Variants in SLC39A10 observed in about 807,000 individuals in gnomAD.
SLC39A10 encodes solute carrier family 39 member 10, also known as zinc transporter ZIP10.
SLC39A10 carries 13 observed loss-of-function variants against 65.1 expected under a neutral mutation model. The observed-to-expected ratio is 0.20, with a 90% CI of 0.13 to 0.32. The LOEUF is 0.32. SLC39A10 is among the 10% of genes least tolerant of loss of function. SLC39A10 has a pLI of 1.00. For missense variants in SLC39A10, 831 were observed against 1,018.4 expected, an observed-to-expected ratio of 0.82 and a Z score of 2.50; for synonymous variants, 321 against 342.2, an observed-to-expected ratio of 0.94 and a Z score of 0.68.
intron 2 of SLC39A10, among the ~76,000 whole-genome samples, chr2:195,618,007 G>A (rs1421690561): frequency 4.6e-5 from 7 of 151,078 alleles, no homozygotes; most frequent in Non-Finnish European, 1.0e-4. Flanking sequence ...CCAAAGTGCT[G>A]GGATTACAGG....
In SLC39A10 at chr2:195,680,146, C is replaced by A. The variant is rs754559742; in HGVS notation, c.104C>A (p.Ala35Glu). The change falls in exon 2 of 10, where the codon GCG (alanine) becomes GAG (glutamate). Residue 35 changes from alanine (A) to glutamate (E), a missense_variant. Coordinates refer to ENST00000359634, the MANE Select transcript of SLC39A10 (RefSeq NM_020342.3). Reference protein sequence around the residue: ...CHEEHDHGPEALHRQHRGMTE... With the variant: ...CHEEHDHGPEELHRQHRGMTE... ...GAAGAACATGACCATGGCCCTGAAG[C>A]GCTTCACAGACAGCATCGTGGAATG... 1.2e-6 allele frequency: 2 copies of A among 1,613,948 alleles called. No homozygotes were observed. Among genetic ancestry groups the A allele is most frequent in the South Asian group, 2.2e-5 (2 of 91,036 alleles).
In SLC39A10 at chr2:195,680,778, G is replaced by A; in HGVS notation, c.736G>A (p.Val246Ile). 1 of 1,614,042 alleles carries A rather than the reference G, an allele frequency of 6.2e-7. No homozygotes were observed. The highest frequency in any genetic ancestry group is 8.5e-7 in the Non-Finnish European group (1 of 1,179,996). ...KGRKSNENSE[V>I]ITPGFPPNHD... The stretch of plus-strand genomic sequence containing the variant: ...GAGGAAAAGTAATGAAAATTCTGAG[G>A]TTATTACACCAGGTTTTCCCCCTAA... Residue 246 changes from valine to isoleucine, a missense_variant, in exon 2 of 10, where the codon GTT (valine) becomes ATT (isoleucine). Val to Ile is a conservative substitution (Grantham distance 29). Transcript: ENST00000359634.
chr2:195,721,438 A>T (rs970002659), intron 8 of SLC39A10, among the ~76,000 whole-genome samples: 2 of 151,644 alleles, frequency 1.3e-5, no homozygotes, highest in Non-Finnish European at 2.9e-5. Context: ...CTAGTTTATC[A>T]TGTTAAGAAT....
At chr2:195,694,883 C>T (rs549997545) in intron 3 of SLC39A10, among the ~76,000 whole-genome samples, 7 of 152,120 alleles carry the variant, frequency 4.6e-5, no homozygotes, top group Admixed American at 6.5e-5. Context: ...TGTCCTTCCT[C>T]GGTCATGAAG....
In SLC39A10 at chr2:195,736,490, AATAT is replaced by A. The variant is rs147511979; in HGVS notation, c.*1453_*1456del. ...CTGTAACAATCTATCTTATTGTTCA[AATAT>A]ATAAGAGCCAAACTCTTTTCCATTC... On this transcript the variant is annotated 3_prime_UTR_variant, in exon 10 of 10. Transcript: ENST00000359634. The A allele has an allele frequency of 0.018, 2,887 of 161,952 alleles. 202 individuals are homozygous for A. The East Asian group carries it at 0.24, about 13-fold the overall frequency. 10.0% of individuals were successfully genotyped at this position (161,952 alleles called of 1,614,324 possible).
At chr2:195,654,166 G>A (rs1456624304), upstream of SLC39A10, among the ~76,000 whole-genome samples, 4 of 151,836 alleles carry the variant, frequency 2.6e-5, no homozygotes, top group East Asian at 7.7e-4. Flanking sequence ...CTCAAACTCC[G>A]GACCTCAGGT....
At chr2:195,654,872 A>G (rs181029438), upstream of SLC39A10, among the ~76,000 whole-genome samples, 4 of 137,916 alleles carry the variant, frequency 2.9e-5, no homozygotes, top group Admixed American at 1.5e-4. Flanking sequence ...TTTTCTCAGT[A>G]GGAAAAGTAA....
chr2:195,636,318 A>G (rs1346113962), intron 2 of SLC39A10, among the ~76,000 whole-genome samples: 3 of 152,210 alleles, frequency 2.0e-5, no homozygotes, highest in African/African-American at 7.2e-5. Context: ...TTTCTGTAAA[A>G]TATTGTTATA....
At chr2:195,733,377 G>C (rs1337925920) in intron 9 of SLC39A10, among the ~76,000 whole-genome samples, 3 of 152,198 alleles carry the variant, frequency 2.0e-5, no homozygotes, top group Non-Finnish European at 4.4e-5. Context: ...TGGGTGGAAA[G>C]AATGTATGCC....
intron 2 of SLC39A10, among the ~76,000 whole-genome samples, chr2:195,636,256 A>G (rs1688694674): frequency 6.6e-6 from 1 of 152,244 alleles, no homozygotes; most frequent in South Asian, 2.1e-4. Context: ...CATGTCTTCT[A>G]TTAGGCCAGG....
Position 195,713,468 on chromosome 2 carries a change from A to G in SLC39A10, c.1611A>G (p.Glu537=), listed in dbSNP as rs747494725. 5.7e-6 allele frequency: 9 copies of G among 1,578,628 alleles called. No homozygotes were observed. Among genetic ancestry groups the G allele is most frequent in the Non-Finnish European group, 6.0e-6 (7 of 1,170,278 alleles). Residue 537 remains glutamate, a synonymous_variant, in exon 6 of 10, where the codon GAA becomes GAG. Transcript: ENST00000359634. ...KQKWFMKQNT[E]ESTIGRKLSD... ...AATGGTTTATGAAACAGAACACAGA[A>G]GAATCAACTATTGGAAGAAAGCTTT...
intron 2 of SLC39A10, among the ~76,000 whole-genome samples, chr2:195,615,913 T>C (rs973378273): frequency 6.6e-6 from 1 of 152,242 alleles, no homozygotes; most frequent in Non-Finnish European, 1.5e-5. Flanking sequence ...TGTGTATTTA[T>C]CTTAACCTCC....
At chr2:195,645,334 GC>G (rs1688892969) in intron 2 of SLC39A10, among the ~76,000 whole-genome samples, 1 of 152,064 alleles carries the variant, frequency 6.6e-6, no homozygotes, top group African/African-American at 2.4e-5. Flanking sequence ...CAAAGCTACT[GC>G]TTGTACTTGA....
rs67959883 is a variant in SLC39A10, at chr2:195,623,901, CCACACACACACACACACACACA to C, written c.-12+17686_-12+17707del. ...ACAATACAACCAACTAAACAAAAAA[CCACACACACACACACACACACA>C]CACACACACACACACACCGTCTTAG... On this transcript the variant is annotated intron_variant, in intron 2 of 2. Transcript: ENST00000458054. 4.2e-5 allele frequency among the ~76,000 whole-genome samples: 6 copies of C among 142,846 alleles called. No individual in the cohort carries two copies. In the South Asian group the frequency reaches 1.4e-3, roughly 33 times the overall value. 93.7% of individuals were successfully genotyped at this position (142,846 alleles called of 152,430 possible).
At chr2:195,649,233 T>A (rs1688984713) in intron 2 of SLC39A10, among the ~76,000 whole-genome samples, 1 of 152,252 alleles carries the variant, frequency 6.6e-6, no homozygotes, top group Admixed American at 6.5e-5. Flanking sequence ...AAGTGGCTTA[T>A]TGTATGAAAT....
At chr2:195,671,822 C>T (rs562239709) in intron 1 of SLC39A10, 2 of 152,342 alleles carry the variant, frequency 1.3e-5, no homozygotes, top group South Asian at 2.1e-4. Context: ...TTCTACTTCC[C>T]TTGATACTGA....
chr2:195,664,377 TAAG>T (rs1689549838), intron 1 of SLC39A10, among the ~76,000 whole-genome samples: 2 of 151,468 alleles, frequency 1.3e-5, no homozygotes, highest in South Asian at 2.1e-4. Context: ...TAAAAAAAAA[TAAG>T]AAAATATACA....
At chr2:195,734,508 G>A (rs528936617) in intron 9 of SLC39A10, among the ~76,000 whole-genome samples, 2 of 152,152 alleles carry the variant, frequency 1.3e-5, no homozygotes, top group Non-Finnish European at 2.9e-5. Flanking sequence ...TAGTAAATGT[G>A]GGAATTGTGG....
At position 195,730,973 on chromosome 2, in the gene SLC39A10, A is replaced by T. The variant is rs552256119; in HGVS notation, c.2337+2624A>T. ...AACCACCTGTACCCTCATCATTTTC[A>T]TCCAAGCCACCACCATCTTTCTCTT... is the stretch of plus-strand genomic sequence containing the variant. On this transcript the variant is annotated intron_variant, in intron 9 of 9. Coordinates refer to ENST00000359634, the MANE Select transcript of SLC39A10 (RefSeq NM_020342.3). 1.1e-3 allele frequency among the ~76,000 whole-genome samples: 163 copies of T among 152,240 alleles called. 1 individual carries two copies. The highest frequency in any genetic ancestry group is 3.6e-3 in the African/African-American group (149 of 41,554).
Sources: allele counts gnomAD v4.1 joint callset (sites outside exome capture counted in the v4.1 genomes callset), GRCh38; gene constraint gnomAD v4.1.1; transcripts MANE v1.5; gene names NCBI Gene and HGNC (gene_info 2026-07-23, HGNC 2026-07-21).